Variants in CNTNAP2 observed in about 807,000 individuals in gnomAD.
CNTNAP2 encodes contactin-associated protein-like 2.
In CNTNAP2, 98 loss-of-function variants were observed where a neutral mutation model predicts 155.2. The observed-to-expected ratio is 0.63, with a 90% CI of 0.54 to 0.75. The LOEUF is 0.75. Ranked by LOEUF, CNTNAP2 falls within the 30% of genes least tolerant of loss-of-function variation. CNTNAP2 has a pLI of 0.00. For missense variants in CNTNAP2, 1,727 were observed against 1,688.1 expected, an observed-to-expected ratio of 1.02 and a Z score of -0.40; for synonymous variants, 651 against 631.2, an observed-to-expected ratio of 1.03 and a Z score of -0.47.
At chr7:147,317,542 C>G (rs933272403) in intron 9 of CNTNAP2, among the ~76,000 whole-genome samples, 1 of 152,300 alleles carries the variant, frequency 6.6e-6, no homozygotes, top group South Asian at 2.1e-4. Context: ...CTACTATTTC[C>G]TCTGTCTGGA....
rs144542904 is a variant in CNTNAP2 at position 147,283,563 on chromosome 7, A to G, written c.1349-16578A>G. Reference sequence around the variant, plus strand: ...GTTGTCTTTAGATAGGACATGTTCTATAAATAAGAAAATGATAATTACTCA... The same window carrying G: ...GTTGTCTTTAGATAGGACATGTTCTGTAAATAAGAAAATGATAATTACTCA... On this transcript the variant is annotated intron_variant, in intron 8 of 23. Coordinates refer to ENST00000361727, the MANE Select transcript of CNTNAP2 (RefSeq NM_014141.6). Among the ~76,000 whole-genome samples the G allele has an allele frequency of 3.9e-4, 59 of 152,070 alleles. No homozygotes were observed. The East Asian group carries it at 0.01, about 27-fold the overall frequency.
At chr7:147,068,821 GA>G (rs1454104044) in intron 4 of CNTNAP2, among the ~76,000 whole-genome samples, 1 of 152,152 alleles carries the variant, frequency 6.6e-6, no homozygotes, top group Non-Finnish European at 1.5e-5. Flanking sequence ...CCAATTTCGT[GA>G]AATACATCTT....
intron 3 of CNTNAP2, among the ~76,000 whole-genome samples, chr7:146,979,098 A>C (rs527818249): frequency 3.3e-5 from 5 of 152,278 alleles, no homozygotes; most frequent in African/African-American, 9.6e-5. Flanking sequence ...CCTGAGAATC[A>C]AGTGACTTTC....
chr7:146,363,282 T>C (rs1795110689), intron 1 of CNTNAP2, among the ~76,000 whole-genome samples: 1 of 152,214 alleles, frequency 6.6e-6, no homozygotes, highest in South Asian at 2.1e-4. Context: ...GGGCAGTCAC[T>C]TACCTGTGTG....
At chr7:148,121,440 C>G (rs367983994) in intron 16 of CNTNAP2, among the ~76,000 whole-genome samples, 3 of 152,286 alleles carry the variant, frequency 2.0e-5, no homozygotes, top group African/African-American at 7.2e-5. Flanking sequence ...CTCTGCAAAC[C>G]TAATTGTTTT....
At chr7:148,279,706 G>C (rs1305454125) in intron 21 of CNTNAP2, among the ~76,000 whole-genome samples, 1 of 151,906 alleles carries the variant, frequency 6.6e-6, no homozygotes, top group African/African-American at 2.4e-5. Flanking sequence ...TACTGGGAAA[G>C]GCAAAAAAGA....
chr7:147,087,425 A>C (rs1229910000), intron 4 of CNTNAP2, among the ~76,000 whole-genome samples: 1 of 152,184 alleles, frequency 6.6e-6, no homozygotes, highest in African/African-American at 2.4e-5. Context: ...AGTGCATTAA[A>C]AACATTTGTG....
intron 2 of CNTNAP2, among the ~76,000 whole-genome samples, chr7:146,812,007 A>G (rs1034646873): frequency 6.6e-6 from 1 of 152,144 alleles, no homozygotes; most frequent in Admixed American, 6.5e-5. Flanking sequence ...ACCCAGTCTC[A>G]GGTATGTCTT....
intron 15 of CNTNAP2, among the ~76,000 whole-genome samples, chr7:148,035,423 A>T (rs1252173103): frequency 6.6e-6 from 1 of 151,830 alleles, no homozygotes; most frequent in African/African-American, 2.4e-5. Context: ...CGGCCTAGGG[A>T]CTCTACTCCC....
chr7:147,037,754 G>C (rs962652868), intron 3 of CNTNAP2, among the ~76,000 whole-genome samples: 1 of 152,076 alleles, frequency 6.6e-6, no homozygotes, highest in African/African-American at 2.4e-5. Context: ...AAACAATACA[G>C]ACTATACTAG....
chr7:146,982,866 TG>T (rs1489479755), intron 3 of CNTNAP2, among the ~76,000 whole-genome samples: 1 of 152,194 alleles, frequency 6.6e-6, no homozygotes, highest in African/African-American at 2.4e-5. Flanking sequence ...TCCAATTCTT[TG>T]ATATTGTTTA....
chr7:147,248,065 A>G (rs1804107051), intron 8 of CNTNAP2, among the ~76,000 whole-genome samples: 1 of 151,896 alleles, frequency 6.6e-6, no homozygotes, highest in South Asian at 2.1e-4. Flanking sequence ...GCGTATCCAC[A>G]GAGGGGTAGA....
At chr7:148,165,931 C>T (rs1805648450) in intron 17 of CNTNAP2, among the ~76,000 whole-genome samples, 1 of 152,190 alleles carries the variant, frequency 6.6e-6, no homozygotes, top group African/African-American at 2.4e-5. Context: ...CCTGCAACCG[C>T]TCTCATCTCA....
At chr7:146,433,037 G>A (rs1331954139) in intron 1 of CNTNAP2, among the ~76,000 whole-genome samples, 1 of 152,064 alleles carries the variant, frequency 6.6e-6, no homozygotes, top group Non-Finnish European at 1.5e-5. Flanking sequence ...TGGAGTAGCT[G>A]AATTATCCTT....
chr7:147,578,368 A>G (rs1026666202), intron 12 of CNTNAP2, among the ~76,000 whole-genome samples: 1 of 152,120 alleles, frequency 6.6e-6, no homozygotes, highest in Non-Finnish European at 1.5e-5. Flanking sequence ...TCATGGCCAC[A>G]CTAAGCATCT....
intron 3 of CNTNAP2, among the ~76,000 whole-genome samples, chr7:146,980,763 C>G (rs1490980549): frequency 2.7e-4 from 41 of 152,158 alleles, no homozygotes; most frequent in Admixed American, 2.7e-3. Context: ...CCTTGTAATC[C>G]AAACACCTAC....
At chr7:148,280,841 C>T (rs1796962879) in intron 21 of CNTNAP2, among the ~76,000 whole-genome samples, 1 of 151,958 alleles carries the variant, frequency 6.6e-6, no homozygotes, top group Non-Finnish European at 1.5e-5. Flanking sequence ...ATCGCTTGAA[C>T]CTAGGAGACG....
At chr7:148,353,518 A>C (rs1798463605) in intron 21 of CNTNAP2, among the ~76,000 whole-genome samples, 1 of 152,220 alleles carries the variant, frequency 6.6e-6, no homozygotes. Context: ...ATTGGATTTT[A>C]AGCACAATGC....
chr7:146,388,881 G>A (rs1795499976), intron 1 of CNTNAP2, among the ~76,000 whole-genome samples: 1 of 151,990 alleles, frequency 6.6e-6, no homozygotes, highest in Non-Finnish European at 1.5e-5. Flanking sequence ...TCTGTGCCTG[G>A]CTTGATTGTA....
Sources: allele counts gnomAD v4.1 joint callset (sites outside exome capture counted in the v4.1 genomes callset), GRCh38; gene constraint gnomAD v4.1.1; transcripts MANE v1.5; gene names NCBI Gene and HGNC (gene_info 2026-07-23, HGNC 2026-07-21).